Variants in TEAD4 observed in about 807,000 individuals in gnomAD.
TEAD4 encodes the protein TEA domain transcription factor 4, also known as transcriptional enhancer factor TEF-3.
TEAD4 carries 36 observed loss-of-function variants against 52.4 expected under a neutral mutation model. The observed-to-expected ratio is 0.69, with a 90% confidence interval of 0.53 to 0.91. The LOEUF is 0.91. Ranked by LOEUF, TEAD4 falls within the 40% of genes least tolerant of loss-of-function variation. The pLI, the probability that TEAD4 is intolerant of heterozygous loss-of-function variation, is 0.00. For synonymous variants in TEAD4, 220 were observed against 231.0 expected, an observed-to-expected ratio of 0.95 and a Z score of 0.43; for missense variants, 508 against 583.9, an observed-to-expected ratio of 0.87 and a Z score of 1.34.
At chr12:3,022,396 G>A (rs1291494429) in intron 10 of TEAD4, among the ~76,000 whole-genome samples, 1 of 152,192 alleles carries the variant, frequency 6.6e-6, no homozygotes, top group Non-Finnish European at 1.5e-5. Context: ...GACAAGTCCT[G>A]CATGGGTTTC....
chr12:3,013,191 A>T (rs2098261752), intron 5 of TEAD4, among the ~76,000 whole-genome samples: 1 of 151,256 alleles, frequency 6.6e-6, no homozygotes, highest in Non-Finnish European at 1.5e-5. Flanking sequence ...GGCTCAAGAG[A>T]TCTTCCTGCC....
At chr12:3,032,612 T>C (rs1254510090) in intron 10 of TEAD4, among the ~76,000 whole-genome samples, 1 of 152,214 alleles carries the variant, frequency 6.6e-6, no homozygotes, top group Non-Finnish European at 1.5e-5. Flanking sequence ...CTTGGGGACC[T>C]GCCAGGGGCT....
chr12:3,024,224 G>A (rs1459452095), intron 10 of TEAD4, among the ~76,000 whole-genome samples: 2 of 151,746 alleles, frequency 1.3e-5, no homozygotes, highest in East Asian at 1.9e-4. Flanking sequence ...ACAGGCACCC[G>A]CCACCACGCC....
At chr12:2,981,531 C>T (rs2098234113) in intron 2 of TEAD4, among the ~76,000 whole-genome samples, 1 of 152,194 alleles carries the variant, frequency 6.6e-6, no homozygotes, top group Non-Finnish European at 1.5e-5. Context: ...CCTACCTCCA[C>T]CCAAGCCTCT....
intron 2 of TEAD4, among the ~76,000 whole-genome samples, chr12:2,964,122 G>GACTCA (rs2098218202): frequency 1.3e-5 from 2 of 152,178 alleles, no homozygotes; most frequent in African/African-American, 2.4e-5. Context: ...CTCCAAAGGG[G>GACTCA]GCCGTTGACT....
At chr12:2,998,144 C>T (rs147399460) in intron 3 of TEAD4, among the ~76,000 whole-genome samples, 47 of 152,234 alleles carry the variant, frequency 3.1e-4, no homozygotes, top group African/African-American at 1.1e-3. Context: ...AGGTCCTCAA[C>T]GTTTATCTGT....
intron 2 of TEAD4, among the ~76,000 whole-genome samples, chr12:2,986,382 A>T (rs994008482): frequency 4.6e-5 from 7 of 152,046 alleles, no homozygotes; most frequent in Non-Finnish European, 1.5e-5. Context: ...TCACGCCTGC[A>T]ATCCCAGTCC....
chr12:2,966,879 G>A (rs1480911851), intron 2 of TEAD4, among the ~76,000 whole-genome samples: 1 of 152,032 alleles, frequency 6.6e-6, no homozygotes, highest in African/African-American at 2.4e-5. Context: ...GCTAATTTTT[G>A]TATTTTTAGT....
chr12:3,036,313 C>G (rs1310688331), intron 10 of TEAD4, among the ~76,000 whole-genome samples: 1 of 152,176 alleles, frequency 6.6e-6, no homozygotes, highest in Non-Finnish European at 1.5e-5. Flanking sequence ...AAATGCAGGT[C>G]CTTCTCAGCG....
chr12:3,024,668 C>A (rs540706919), intron 10 of TEAD4, among the ~76,000 whole-genome samples: 345 of 152,052 alleles, frequency 2.3e-3, no homozygotes, highest in African/African-American at 7.9e-3. Context: ...AACAAAAAAA[C>A]AAAAAACAAA....
chr12:3,009,745 A>T (rs917559358), intron 3 of TEAD4, among the ~76,000 whole-genome samples: 3 of 152,240 alleles, frequency 2.0e-5, no homozygotes, highest in African/African-American at 7.2e-5. Context: ...CAGACCACAG[A>T]CAGTGTCCCC....
chr12:2,972,744 G>T (rs896605311), intron 2 of TEAD4, among the ~76,000 whole-genome samples: 2 of 151,438 alleles, frequency 1.3e-5, no homozygotes, highest in South Asian at 2.1e-4. Context: ...CAGGTGATCC[G>T]CCCGCCTCGG....
At chr12:3,017,917 C>G (rs2098265760) in intron 6 of TEAD4, among the ~76,000 whole-genome samples, 1 of 152,184 alleles carries the variant, frequency 6.6e-6, no homozygotes, top group Non-Finnish European at 1.5e-5. Flanking sequence ...TGCCCTCCTG[C>G]CAGGTGGAGA....
At chr12:2,979,514 C>T (rs766624459) in intron 2 of TEAD4, among the ~76,000 whole-genome samples, 51 of 152,350 alleles carry the variant, frequency 3.3e-4, no homozygotes, top group African/African-American at 1.1e-3. Flanking sequence ...CAGCTGGGAG[C>T]GTGCGCGTCA....
intron 5 of TEAD4, among the ~76,000 whole-genome samples, chr12:3,015,883 A>G (rs904501995): frequency 6.6e-6 from 1 of 151,242 alleles, no homozygotes; most frequent in Non-Finnish European, 1.5e-5. Flanking sequence ...CTTTGTCATT[A>G]AAAAAAAATT....
rs572859880 is a variant in TEAD4, at chr12:2,979,849, C to T, written c.-29-14889C>T. 9.3e-4 allele frequency among the ~76,000 whole-genome samples: 142 copies of T among 152,244 alleles called. 2 individuals are homozygous for T. Among genetic ancestry groups the T allele is most frequent in the African/African-American group, 3.3e-3 (139 of 41,540 alleles). Reference sequence around the variant, plus strand: ...GAGGGGCACGTTCATACCAGAGCAGCGCCCAATGCCTGTCATATAGTACAT... The same window carrying T: ...GAGGGGCACGTTCATACCAGAGCAGTGCCCAATGCCTGTCATATAGTACAT... On this transcript the variant is annotated intron_variant, in intron 2 of 12. Transcript: ENST00000359864.
intron 7 of TEAD4, 89 bp downstream of exon 7, chr12:3,018,677 G>T: frequency 6.5e-7 from 1 of 1,536,726 alleles, no homozygotes; most frequent in South Asian, 1.1e-5. Flanking sequence ...GGGCCCCAGG[G>T]TGTGCTGGGG....
At position 3,018,574 on chromosome 12, in the gene TEAD4, C is replaced by G; in HGVS notation, c.513C>G (p.Ala171=). The change falls in exon 7 of 13, where the codon GCC becomes GCG. Residue 171 remains alanine, a synonymous_variant. Coordinates refer to ENST00000359864, the MANE Select transcript of TEAD4 (RefSeq NM_003213.4). ...GGCAAGGAGCTTTGCCAGGCCAAGC[C>G]GGAACGTCCCATGAGTGAGTATGGC... is the stretch of plus-strand genomic sequence containing the variant. 6.2e-7 allele frequency: 1 copy of G among 1,614,098 alleles called. No homozygotes were observed. The highest frequency in any genetic ancestry group is 8.5e-7 in the Non-Finnish European group (1 of 1,179,966).
chr12:3,039,779 C>T (rs1380323512), intron 11 of TEAD4, among the ~76,000 whole-genome samples: 3 of 152,222 alleles, frequency 2.0e-5, no homozygotes, highest in Non-Finnish European at 2.9e-5. Context: ...CCTCCGCCTC[C>T]CGGGTTCAAG....
Sources: gnomAD v4.1 joint callset for allele counts (sites outside exome capture counted in the v4.1 genomes callset) on GRCh38, gnomAD v4.1.1 for gene constraint, MANE v1.5 for transcripts, NCBI Gene and HGNC (gene_info 2026-07-23, HGNC 2026-07-21) for gene names.